MYO1E: variants seen among roughly 807,000 people sequenced by gnomAD.
The protein encoded by MYO1E is unconventional myosin-Ie.
In MYO1E, 68 loss-of-function variants were observed where a neutral mutation model predicts 151.1. The observed-to-expected ratio is 0.45, with a 90% CI of 0.37 to 0.55. The LOEUF is 0.55. Among genes scored for constraint, MYO1E ranks in the 20% least tolerant of loss-of-function variants. The pLI, the probability that MYO1E is intolerant of heterozygous loss-of-function variation, is 0.00. For synonymous variants in MYO1E, 601 were observed against 501.7 expected, an observed-to-expected ratio of 1.20 and a Z score of -2.64; for missense variants, 1,363 against 1,389.3, an observed-to-expected ratio of 0.98 and a Z score of 0.30.
At chr15:59,243,272 C>T (rs911052087) in intron 4 of MYO1E, among the ~76,000 whole-genome samples, 6 of 151,942 alleles carry the variant, frequency 3.9e-5, no homozygotes, top group South Asian at 2.1e-4. Flanking sequence ...ATAGTCTAGA[C>T]GATGAGAAAT....
intron 17 of MYO1E, among the ~76,000 whole-genome samples, chr15:59,192,211 C>G (rs569423263): frequency 6.7e-6 from 1 of 148,198 alleles, no homozygotes; most frequent in East Asian, 2.0e-4. Flanking sequence ...AATCAACGCT[C>G]GACCAACTAA....
Position 59,236,363 on chromosome 15 carries a change from A to ATATATAT in MYO1E, c.420+221_420+222insATATATA, listed in dbSNP as rs1555413419. On this transcript the variant is annotated intron_variant, in intron 5 of 27. Coordinates refer to ENST00000288235, the MANE Select transcript of MYO1E (RefSeq NM_004998.4). ...TCTGTCTCAAAAAAGAAAAAAAAAA[A>ATATATAT]ATATATACACACACACACACACACA... Among the ~76,000 whole-genome samples, 17 of 60,816 alleles carry ATATATAT rather than the reference A, an allele frequency of 2.8e-4. 1 individual carries two copies. In the South Asian group the frequency reaches 6.2e-3, roughly 22 times the overall value. The allele number at this position is 60,816 out of a possible 152,430, so 39.9% of individuals were successfully genotyped here. A position where few individuals can be genotyped will look rare whatever the true frequency, so the allele number is the denominator to read the frequency against.
intron 16 of MYO1E, among the ~76,000 whole-genome samples, chr15:59,199,481 G>A (rs1309118672): frequency 6.6e-6 from 1 of 152,110 alleles, no homozygotes; most frequent in Non-Finnish European, 1.5e-5. Context: ...GATGCTCAGA[G>A]GAAATGCTCA....
At chr15:59,170,869 A>G (rs1321831998) in intron 22 of MYO1E, among the ~76,000 whole-genome samples, 1 of 152,190 alleles carries the variant, frequency 6.6e-6, no homozygotes, top group Non-Finnish European at 1.5e-5. Flanking sequence ...ACGCCTGAGC[A>G]CATAAAACCC....
At chr15:59,339,548 G>A (rs184427382) in intron 1 of MYO1E, among the ~76,000 whole-genome samples, 30 of 152,222 alleles carry the variant, frequency 2.0e-4, no homozygotes, top group Non-Finnish European at 4.1e-4. Flanking sequence ...GACACAAAAG[G>A]GCAGCTCTGG....
chr15:59,191,290 C>A (rs540717908), intron 17 of MYO1E, among the ~76,000 whole-genome samples: 1 of 144,366 alleles, frequency 6.9e-6, no homozygotes, highest in African/African-American at 2.6e-5. Context: ...CCCGTCTGTA[C>A]TAAATATCCA....
At chr15:59,352,370 A>G (rs1293742459) in intron 1 of MYO1E, among the ~76,000 whole-genome samples, 3 of 152,136 alleles carry the variant, frequency 2.0e-5, no homozygotes, top group Non-Finnish European at 4.4e-5. Flanking sequence ...GTGCTTTGCA[A>G]TCATCTAGAG....
intron 16 of MYO1E, among the ~76,000 whole-genome samples, chr15:59,199,443 A>G (rs1194555095): frequency 6.6e-6 from 1 of 152,138 alleles, no homozygotes; most frequent in Admixed American, 6.5e-5. Flanking sequence ...AAATGCTCCA[A>G]AATTTGAAAC....
chr15:59,266,663 CTTTTTTTT>C (rs34640095), intron 2 of MYO1E: 1 of 130,364 alleles, frequency 7.7e-6, no homozygotes, highest in Non-Finnish European at 1.6e-5. Flanking sequence ...TTTTGCTGTT[CTTTTTTTT>C]TTTTTTTTTG....
At chr15:59,280,614 G>A (rs1473481558) in intron 1 of MYO1E, among the ~76,000 whole-genome samples, 2 of 134,456 alleles carry the variant, frequency 1.5e-5, no homozygotes, top group African/African-American at 3.0e-5. Flanking sequence ...AAGAGCGAAA[G>A]TCCATCTCAA....
intron 26 of MYO1E, among the ~76,000 whole-genome samples, chr15:59,149,063 T>TG (rs2079460501): frequency 7.4e-6 from 1 of 134,770 alleles, no homozygotes. Context: ...TTTTTTTTTT[T>TG]TTTTTTTTTT....
At chr15:59,274,497 AG>A (rs1333621634) in intron 1 of MYO1E, among the ~76,000 whole-genome samples, 1 of 152,186 alleles carries the variant, frequency 6.6e-6, no homozygotes, top group African/African-American at 2.4e-5. Context: ...ACAGAAAACT[AG>A]GGTCCCAGAG....
chr15:59,228,378 G>A (rs1415860446), intron 6 of MYO1E, among the ~76,000 whole-genome samples: 4 of 152,140 alleles, frequency 2.6e-5, no homozygotes, highest in Admixed American at 2.6e-4. Context: ...AGCGAGGCAG[G>A]AGAATCGCTT....
intron 1 of MYO1E, among the ~76,000 whole-genome samples, chr15:59,336,267 G>C (rs1596425876): frequency 1.3e-5 from 2 of 151,708 alleles, no homozygotes; most frequent in African/African-American, 4.8e-5. Context: ...GCTACTCAGA[G>C]GCTGAGGCAG....
rs569417196 is a variant in MYO1E, at chr15:59,207,746, C to A, written c.1530+935G>T. 5.0e-6 allele frequency: 8 copies of A among 1,614,072 alleles called. No individual in the cohort carries two copies. The Admixed American group carries it at 1.3e-4, about 27-fold the overall frequency. On this transcript the variant is annotated intron_variant, in intron 14 of 27. Coordinates refer to ENST00000288235, the MANE Select transcript of MYO1E (RefSeq NM_004998.4). ...AAGGATCTGAACTCTGATATAGGAA[C>A]TGATAAAGATCCTGAGCAATGGAAA...
In MYO1E at chr15:59,196,271, G is replaced by A. The variant is rs74508523; in HGVS notation, c.1699-704C>T. On this transcript the variant is annotated intron_variant, in intron 16 of 27. Transcript: ENST00000288235. ...ACCTTCTATTAATGCCTGTGCACTG[G>A]GTACTCAAAGTAGAACTGGATTCAA... Among the ~76,000 whole-genome samples, 1,388 of 152,080 alleles carry A rather than the reference G, an allele frequency of 9.1e-3. 32 individuals are homozygous for A. Among genetic ancestry groups the A allele is most frequent in the African/African-American group, 0.031 (1,282 of 41,462 alleles).
At chr15:59,329,643 A>T (rs2080686694) in intron 1 of MYO1E, among the ~76,000 whole-genome samples, 1 of 152,232 alleles carries the variant, frequency 6.6e-6, no homozygotes, top group African/African-American at 2.4e-5. Flanking sequence ...TCATGGTCTC[A>T]TATGACTCCA....
intron 4 of MYO1E, among the ~76,000 whole-genome samples, chr15:59,242,943 G>T (rs1489150063): frequency 1.3e-5 from 2 of 152,228 alleles, no homozygotes; most frequent in African/African-American, 4.8e-5. Flanking sequence ...GGCAAACACA[G>T]AGAACAAGAT....
Position 59,138,306 on chromosome 15 carries a change from TG to T in MYO1E, c.3141del (p.Lys1048SerfsTer58), listed in dbSNP as rs1219067642. The stretch of plus-strand genomic sequence containing the variant: ...CACTGTGGCACCTGAGGCTTGGGCT[TG>T]GGCTGGGGCTTGGGTCTGCCCCCTG... ...PPAGGRPKPQ[P>X]KPKPQVPQCK... On this transcript the variant is annotated frameshift_variant, in exon 27 of 28. Transcript: ENST00000288235. LOFTEE classifies it high-confidence loss of function. 6.2e-7 allele frequency: 1 copy of T among 1,614,214 alleles called. No homozygotes were observed. Among genetic ancestry groups the T allele is most frequent in the Non-Finnish European group, 8.5e-7 (1 of 1,180,028 alleles).
Sources: gnomAD v4.1 joint callset for allele counts (sites outside exome capture counted in the v4.1 genomes callset) on GRCh38, gnomAD v4.1.1 for gene constraint, MANE v1.5 for transcripts, NCBI Gene and HGNC (gene_info 2026-07-23, HGNC 2026-07-21) for gene names.